TRPV3: variants seen among roughly 807,000 people sequenced by gnomAD.
TRPV3 encodes VRL-3.
A neutral mutation model predicts 87.1 loss-of-function variants in TRPV3; 88 were observed. The observed-to-expected ratio is 1.01, with a 90% CI of 0.85 to 1.21. The LOEUF is 1.21. TRPV3 is among the 50% of genes most tolerant of loss of function. The probability of loss-of-function intolerance (pLI) is 0.00; values close to 1 mark genes in which losing one functional copy is unlikely to be tolerated. For synonymous variants in TRPV3, 438 were observed against 423.3 expected (o/e 1.03, Z -0.43); for missense variants, 1,054 against 1,030.1 (o/e 1.02, Z -0.32).
intron 1 of TRPV3, among the ~76,000 whole-genome samples, chr17:3,555,106 C>G (rs1006958145): frequency 2.6e-5 from 4 of 152,158 alleles, no homozygotes; most frequent in African/African-American, 9.7e-5. Context: ...CAGTAGAGAC[C>G]ACCATGCCCC....
At chr17:3,524,902 A>AGAT (rs1190007973) in intron 12 of TRPV3, among the ~76,000 whole-genome samples, 7 of 152,178 alleles carry the variant, frequency 4.6e-5, no homozygotes, top group Non-Finnish European at 1.0e-4. Flanking sequence ...AGTAGACCAA[A>AGAT]GATGTGGTAA....
At chr17:3,519,748 T>TGGATGGATGGATGGATGGATG (rs1215133915) in intron 14 of TRPV3, among the ~76,000 whole-genome samples, 1 of 44,610 alleles carries the variant, frequency 2.2e-5, no homozygotes, top group Admixed American at 2.4e-4. Flanking sequence ...ATGGATGGAT[T>TGGATGGATGGATGGATGGATG]GATGGATGAA....
intron 12 of TRPV3, among the ~76,000 whole-genome samples, chr17:3,525,364 G>T (rs1465538331): frequency 1.3e-5 from 2 of 152,124 alleles, no homozygotes; most frequent in Non-Finnish European, 2.9e-5. Context: ...AAATAAGATA[G>T]GTGACTCCAC....
intron 12 of TRPV3, among the ~76,000 whole-genome samples, chr17:3,524,679 T>C (rs1425501434): frequency 6.6e-6 from 1 of 151,936 alleles, no homozygotes; most frequent in African/African-American, 2.4e-5. Flanking sequence ...ATTTTTTAAA[T>C]TACCCACACG....
chr17:3,530,069 G>T lies in TRPV3; in HGVS notation c.1200C>A (p.Asp400Glu), dbSNP rs1042674761. 6.2e-7 allele frequency: 1 copy of T among 1,614,056 alleles called. No individual in the cohort carries two copies. Among genetic ancestry groups the T allele is most frequent in the Non-Finnish European group, 8.5e-7 (1 of 1,179,956 alleles). ...YDLTNVDTTT[D>E]NSVLEITVYN... ...AGACAGTGATTTCCAGCACTGAGTT[G>T]TCCGTGGTGGTGTCCACGTTGGTGA... is the stretch of plus-strand genomic sequence containing the variant. Residue 400 changes from aspartate to glutamate, a missense_variant, in exon 9 of 18, where the codon GAC becomes GAA. Asp to Glu is a conservative substitution (Grantham distance 45, BLOSUM62 2). Transcript: ENST00000576742. This position sits in a 1 kb window ranked among gnomAD's most constrained non-coding sequence, Gnocchi z 4.0.
At chr17:3,547,123 T>C (rs1422316294) in intron 2 of TRPV3, among the ~76,000 whole-genome samples, 1 of 152,160 alleles carries the variant, frequency 6.6e-6, no homozygotes, top group Non-Finnish European at 1.5e-5. Flanking sequence ...GGGAAGATGG[T>C]ACTGGGAGCT....
intron 17 of TRPV3, 128 bp from the exon 18 acceptor site, chr17:3,514,139 T>C: frequency 1.3e-6 from 1 of 757,732 alleles, no homozygotes. Context: ...AGTGCAGTGG[T>C]GTGATCTCAG....
intron 2 of TRPV3, among the ~76,000 whole-genome samples, chr17:3,551,434 C>G (rs1445604917): frequency 6.6e-6 from 1 of 152,272 alleles, no homozygotes; most frequent in African/African-American, 2.4e-5. Flanking sequence ...CTGTTTGTTT[C>G]TTCCTTCCTT....
chr17:3,547,949 A>G (rs1340004617), intron 2 of TRPV3, among the ~76,000 whole-genome samples: 2 of 152,176 alleles, frequency 1.3e-5, no homozygotes, highest in African/African-American at 4.8e-5. Flanking sequence ...AACCACAATC[A>G]CACGCACAGA....
intron 3 of TRPV3, 73 bp from the exon 4 acceptor site, chr17:3,544,738 T>C: frequency 9.0e-7 from 1 of 1,115,408 alleles, no homozygotes; most frequent in Non-Finnish European, 1.3e-6. Flanking sequence ...GGCTCATGCA[T>C]GTAATCCCAG....
chr17:3,530,037 G>A lies in TRPV3; in HGVS notation c.1232C>T (p.Thr411Ile). Residue 411 changes from threonine (T) to isoleucine (I), a missense_variant, in exon 9 of 18, where the codon ACC becomes ATC. Transcript: ENST00000576742. This position sits in a 1 kb window ranked among gnomAD's most constrained non-coding sequence, Gnocchi z 4.0. ...NSVLEITVYN[T>I]NIDNRHEMLT... The stretch of plus-strand genomic sequence containing the variant: ...GTGCAGGAGACCCACGTCGATGTTG[G>A]TGTTGTAGACAGTGATTTCCAGCAC... 1.2e-6 allele frequency: 2 copies of A among 1,613,078 alleles called. No homozygotes were observed. The highest frequency in any genetic ancestry group is 2.7e-5 in the African/African-American group (2 of 75,034).
rs781685063 is a variant in TRPV3 at position 3,543,614 on chromosome 17, T to C, written c.326A>G (p.Lys109Arg). ...NPNSPSAQLA[K>R]EEQRRKKRRL... ...CCTCTTTTTCCTCCTCTGCTCTTCC[T>C]TGGCCAGCTGTGCACTGAAGCCAGA... The change falls in exon 5 of 18, where the codon AAG (lysine) becomes AGG (arginine). Residue 109 changes from lysine to arginine, a missense_variant. Physicochemically the swap from Lys to Arg is conservative, Grantham distance 26. Transcript: ENST00000576742. 6.2e-7 allele frequency: 1 copy of C among 1,614,154 alleles called. No individual in the cohort carries two copies. The highest frequency in any genetic ancestry group is 1.1e-5 in the South Asian group (1 of 91,086).
chr17:3,514,739 C>A, intron 16 of TRPV3, 67 bp from the exon 17 acceptor site: 2 of 1,246,122 alleles, frequency 1.6e-6, no homozygotes, highest in Non-Finnish European at 1.2e-6. Flanking sequence ...AATAGCCCTG[C>A]GTTTGGGACG....
At chr17:3,515,862 C>A (rs1472527289) in intron 16 of TRPV3, among the ~76,000 whole-genome samples, 1 of 152,038 alleles carries the variant, frequency 6.6e-6, no homozygotes, top group Non-Finnish European at 1.5e-5. Context: ...AGATAGCGAA[C>A]ACAGAGAGAC....
In TRPV3 at chr17:3,518,090, A is replaced by G. The variant is rs1278440763; in HGVS notation, c.2085+486T>C. On this transcript the variant is annotated intron_variant, in intron 15 of 17. Coordinates refer to ENST00000576742, the MANE Select transcript of TRPV3 (RefSeq NM_145068.4). The surrounding 1 kb of genome is among the most constrained non-coding windows in gnomAD (Gnocchi z 4.3). The stretch of plus-strand genomic sequence containing the variant: ...CGCTTCGGCCTTCCAAAGTGCTAAG[A>G]TTACAGGGGTGAGCCACCATGCCCG... 6.6e-6 allele frequency among the ~76,000 whole-genome samples: 1 copy of G among 152,058 alleles called. No homozygotes were observed. The highest frequency in any genetic ancestry group is 1.5e-5 in the Non-Finnish European group (1 of 68,004).
intron 2 of TRPV3, among the ~76,000 whole-genome samples, chr17:3,548,574 C>T (rs2074545716): frequency 6.6e-6 from 1 of 152,238 alleles, no homozygotes; most frequent in Non-Finnish European, 1.5e-5. Context: ...CCCTTTCCTC[C>T]AGCACAGACA....
intron 12 of TRPV3, among the ~76,000 whole-genome samples, chr17:3,525,062 T>G (rs8068269): frequency 8.7e-4 from 133 of 152,146 alleles, no homozygotes; most frequent in East Asian, 2.5e-3. Context: ...CTCTGTCACC[T>G]AGGCTGGAGT....
rs181449555 is a variant in TRPV3, at chr17:3,526,776, A to G, written c.1577+78T>C. ...CGTGGCACAGTAGGATATTTGTTCA[A>G]GAGGCGGACACGGCAGCCACCATAC... is the stretch of plus-strand genomic sequence containing the variant. On this transcript the variant is annotated intron_variant, in intron 12 of 17. Coordinates refer to ENST00000576742, the MANE Select transcript of TRPV3 (RefSeq NM_145068.4). 3.4e-5 allele frequency: 40 copies of G among 1,162,706 alleles called. No homozygotes were observed. In the East Asian group the frequency reaches 1.0e-3, roughly 29 times the overall value. The allele number at this position is 1,162,706 out of a possible 1,614,324, so 72.0% of individuals were successfully genotyped here. A position where few individuals can be genotyped will look rare whatever the true frequency, so the allele number is the denominator to read the frequency against.
intron 4 of TRPV3, 66 bp from the exon 5 acceptor site, chr17:3,543,694 C>T (rs760868601): frequency 2.1e-5 from 33 of 1,592,574 alleles, no homozygotes; most frequent in East Asian, 1.1e-4. Flanking sequence ...TCCTTTTCCC[C>T]GCCAGAGCTG....
Sources: gnomAD v4.1 joint callset for allele counts (sites outside exome capture counted in the v4.1 genomes callset) on GRCh38, gnomAD v4.1.1 for gene constraint, Gnocchi (gnomAD v3.1) non-coding constraint, MANE v1.5 for transcripts, NCBI Gene and HGNC (gene_info 2026-07-23, HGNC 2026-07-21) for gene names.